The following SFXN5 variants were observed in gnomAD, a reference collection of about 807,000 sequenced individuals.
SFXN5 encodes sideroflexin 5.
Under a neutral mutation model 50.2 loss-of-function variants are expected in SFXN5, and 43 were observed. The ratio of observed to expected loss-of-function variants is 0.86; its 90% CI spans 0.67 to 1.11. SFXN5 has a LOEUF of 1.11. SFXN5 is among the 50% of genes least tolerant of loss of function. The probability of loss-of-function intolerance (pLI) is 0.00; values close to 1 mark genes in which losing one functional copy is unlikely to be tolerated. For synonymous variants in SFXN5, 203 were observed against 185.8 expected (o/e 1.09, Z -0.75); for missense variants, 463 against 454.1 (o/e 1.02, Z -0.18).
intron 3 of SFXN5, 120 bp downstream of exon 3, chr2:73,040,734 T>C (rs1455354427): frequency 1.4e-6 from 1 of 710,118 alleles, no homozygotes. Flanking sequence ...CACAGGGGTA[T>C]GTACCAGCAG....
At chr2:72,949,624 A>C (rs1672312433) in intron 13 of SFXN5, among the ~76,000 whole-genome samples, 1 of 151,898 alleles carries the variant, frequency 6.6e-6, no homozygotes, top group East Asian at 1.9e-4. Context: ...CTGTCTTAGA[A>C]AGGTCTCTCT....
At chr2:72,974,358 G>A (rs1670375697) in intron 10 of SFXN5, among the ~76,000 whole-genome samples, 1 of 152,140 alleles carries the variant, frequency 6.6e-6, no homozygotes, top group African/African-American at 2.4e-5. Context: ...CGGCGAGCAG[G>A]ACAGCTTTGG....
Position 73,023,207 on chromosome 2 carries a change from C to T in SFXN5, c.257G>A (p.Ser86Asn), listed in dbSNP as rs770062118. 1.2e-6 allele frequency: 2 copies of T among 1,603,338 alleles called. No homozygotes were observed. The highest frequency in any genetic ancestry group is 1.3e-5 in the African/African-American group (1 of 74,612). ...GATTACCTGCTTGATTTTCTGTGCA[C>T]TCCAGAGCTGGAAGAGAGATAAAGG... is the stretch of plus-strand genomic sequence containing the variant. ...RPGVTNEQLWSAQKIKQAILH... is the reference protein window; with the variant it reads ...RPGVTNEQLWNAQKIKQAILH... The change falls in exon 4 of 14, where the codon AGT becomes AAT. Residue 86 changes from serine (S) to asparagine (N), a missense_variant. Transcript: ENST00000272433.
rs112417694 is a variant in SFXN5, at chr2:73,029,079, G to C, written c.250-5865C>G. Among the ~76,000 whole-genome samples the C allele has an allele frequency of 2.6e-5, 4 of 152,266 alleles. 1 individual carries two copies. The highest frequency in any genetic ancestry group is 9.6e-5 in the African/African-American group (4 of 41,540). ...AGTGGCCTCCTGGGACCGGGTGCTG[G>C]CTAATGGATTGTGGGTGGAAATGAC... On this transcript the variant is annotated intron_variant, in intron 3 of 13. Transcript: ENST00000272433.
Position 72,985,678 on chromosome 2 carries a change from C to T in SFXN5, c.625+2580G>A, listed in dbSNP as rs552865809. On this transcript the variant is annotated intron_variant, in intron 10 of 13. Coordinates refer to ENST00000272433, the MANE Select transcript of SFXN5 (RefSeq NM_144579.3). ...AAAGGGCCTGCCTCTCCCTGGATCC[C>T]GCAAGCAAGGACTGTCAGGGCTTAA... Among the ~76,000 whole-genome samples the T allele has an allele frequency of 2.0e-5, 3 of 152,246 alleles. No individual in the cohort carries two copies. The South Asian group carries it at 6.2e-4, about 32-fold the overall frequency.
At chr2:73,010,905 C>T (rs1675421075) in intron 6 of SFXN5, among the ~76,000 whole-genome samples, 1 of 152,086 alleles carries the variant, frequency 6.6e-6, no homozygotes, top group African/African-American at 2.4e-5. Flanking sequence ...GGCAAATTCA[C>T]AGCACTAAAC....
rs1559228090 is a variant in SFXN5, at chr2:73,071,690, T to TC, written c.15dup (p.Thr6AspfsTer9). On this transcript the variant is annotated frameshift_variant, in exon 1 of 14. Coordinates refer to ENST00000272433, the MANE Select transcript of SFXN5 (RefSeq NM_144579.3). LOFTEE classifies it high-confidence loss of function. ...CTAGCCGCCGCCGCCGATGCTGTAGTCGCTGTATCCGCCATGGCCACTGAC... is the reference window on the plus strand; with the variant it reads ...CTAGCCGCCGCCGCCGATGCTGTAGTCCGCTGTATCCGCCATGGCCACTGAC... 1.9e-6 allele frequency: 3 copies of TC among 1,613,064 alleles called. No individual in the cohort carries two copies. Among genetic ancestry groups the TC allele is most frequent in the Non-Finnish European group, 2.5e-6 (3 of 1,179,844 alleles).
At chr2:72,978,297 T>A in intron 10 of SFXN5, among the ~76,000 whole-genome samples, 1 of 151,300 alleles carries the variant, frequency 6.6e-6, no homozygotes, top group Non-Finnish European at 1.5e-5. Context: ...TTTTTTTTTT[T>A]TTTGAGATGG....
At chr2:72,986,561 C>T (rs1404265870) in intron 10 of SFXN5, among the ~76,000 whole-genome samples, 1 of 152,196 alleles carries the variant, frequency 6.6e-6, no homozygotes, top group Non-Finnish European at 1.5e-5. Flanking sequence ...CTGGCCTGTC[C>T]CCATCGTTGT....
In SFXN5 at chr2:72,968,170, A is replaced by AC. The variant is rs1674682343; in HGVS notation, c.827+277dup. ...ACACACACACACACACACACACACA[A>AC]CTGCCAGCTCCTCAGGGGAGGGCCA... is the stretch of plus-strand genomic sequence containing the variant. On this transcript the variant is annotated intron_variant, in intron 12 of 13. Coordinates refer to ENST00000272433, the MANE Select transcript of SFXN5 (RefSeq NM_144579.3). 4.9e-5 allele frequency among the ~76,000 whole-genome samples: 5 copies of AC among 102,790 alleles called. No individual in the cohort carries two copies. The South Asian group carries it at 1.0e-3, about 21-fold the overall frequency. 67.4% of individuals were successfully genotyped at this position (102,790 alleles called of 152,430 possible). A position where few individuals can be genotyped will look rare whatever the true frequency, so the allele number is the denominator to read the frequency against.
At chr2:72,958,051 C>T (rs1376196124) in intron 13 of SFXN5, among the ~76,000 whole-genome samples, 1 of 152,210 alleles carries the variant, frequency 6.6e-6, no homozygotes, top group Non-Finnish European at 1.5e-5. Context: ...CTTTGACCTG[C>T]AGCAGCTGTG....
intron 9 of SFXN5, chr2:72,996,462 C>T (rs1673246778): frequency 6.6e-6 from 1 of 151,116 alleles, no homozygotes; most frequent in African/African-American, 2.4e-5. Context: ...GCAGTGAGGA[C>T]TGGACACACA....
chr2:72,963,341 G>GA (rs1673978110), intron 12 of SFXN5, among the ~76,000 whole-genome samples: 1 of 152,202 alleles, frequency 6.6e-6, no homozygotes, highest in African/African-American at 2.4e-5. Context: ...ACACTAGACA[G>GA]ACCCCCTTTC....
intron 8 of SFXN5, among the ~76,000 whole-genome samples, chr2:72,999,795 G>A (rs1272525272): frequency 6.6e-6 from 1 of 152,098 alleles, no homozygotes; most frequent in Non-Finnish European, 1.5e-5. Flanking sequence ...GCCCCCAAAG[G>A]GGACTTAGAT....
intron 3 of SFXN5, among the ~76,000 whole-genome samples, chr2:73,032,929 G>A (rs1362151655): frequency 6.6e-6 from 1 of 152,198 alleles, no homozygotes; most frequent in Non-Finnish European, 1.5e-5. Context: ...GCAAGTCTAT[G>A]TCAGGTGAGG....
chr2:72,952,477 G>A (rs1489376253), intron 13 of SFXN5, among the ~76,000 whole-genome samples: 8 of 152,210 alleles, frequency 5.3e-5, no homozygotes, highest in Non-Finnish European at 1.2e-4. Context: ...CTTGTGCACA[G>A]TAGGTCCTCA....
Position 72,968,628 on chromosome 2 carries a change from ATG to A in SFXN5, c.742-97_742-96del, listed in dbSNP as rs1030453439. The A allele has an allele frequency of 6.4e-6, 7 of 1,096,340 alleles. No homozygotes were observed. In the African/African-American group the frequency reaches 7.9e-5, roughly 12 times the overall value. 67.9% of individuals were successfully genotyped at this position (1,096,340 alleles called of 1,614,324 possible). A position where few individuals can be genotyped will look rare whatever the true frequency, so the allele number is the denominator to read the frequency against. ...CCCTAGGTGTGTGCCACCACAACGC[ATG>A]TGTGTCTGAATGGCCTTATTCATGG... On this transcript the variant is annotated intron_variant, in intron 11 of 13. Transcript: ENST00000272433.
Position 72,959,943 on chromosome 2 carries a change from C to T in SFXN5, c.945+1188G>A, listed in dbSNP as rs188205148. On this transcript the variant is annotated intron_variant, in intron 13 of 13. Transcript: ENST00000272433. ...CTTCTCTGGGGACAGGGTTTGGCTACGTTGCCTGAGACACTAATGGATACT... is the reference window on the plus strand; with the variant it reads ...CTTCTCTGGGGACAGGGTTTGGCTATGTTGCCTGAGACACTAATGGATACT... Among the ~76,000 whole-genome samples the T allele has an allele frequency of 5.1e-3, 781 of 152,302 alleles. 4 individuals are homozygous for T. The highest frequency in any genetic ancestry group is 9.1e-3 in the Non-Finnish European group (621 of 68,030).
In SFXN5 at chr2:73,059,529, C is replaced by T. The variant is rs1033120481; in HGVS notation, c.103-933G>A. 4.1e-6 allele frequency: 4 copies of T among 985,230 alleles called. No homozygotes were observed. In the Admixed American group the frequency reaches 2.5e-4, roughly 61 times the overall value. The allele number at this position is 985,230 out of a possible 1,614,324, so 61.0% of individuals were successfully genotyped here. On this transcript the variant is annotated intron_variant, in intron 1 of 13. Transcript: ENST00000272433. ...CCTGCAGCCAATTCCTGTTCCTTTC[C>T]CTTCCCAATAAGGACCCTGCAATAG... is the stretch of plus-strand genomic sequence containing the variant.
Sources: gnomAD v4.1 joint callset for allele counts (sites outside exome capture counted in the v4.1 genomes callset) on GRCh38, gnomAD v4.1.1 for gene constraint, MANE v1.5 for transcripts, NCBI Gene and HGNC (gene_info 2026-07-23, HGNC 2026-07-21) for gene names.